ZNF407: variants seen among roughly 807,000 people sequenced by gnomAD.
ZNF407 encodes the protein zinc finger protein 407.
In ZNF407, 17 loss-of-function variants were observed where a neutral mutation model predicts 131.2. That is an observed-to-expected ratio of 0.13 (90% CI 0.09 to 0.19). ZNF407 has a LOEUF of 0.19. Ranked by LOEUF, ZNF407 falls within the 10% of genes least tolerant of loss-of-function variation. ZNF407 has a pLI of 1.00. For synonymous variants in ZNF407, 1,156 were observed against 1,062.0 expected (o/e 1.09, Z -1.72); for missense variants, 2,681 against 2,830.6 (o/e 0.95, Z 1.20).
At chr18:74,801,399 T>G (rs1039483653) in intron 4 of ZNF407, among the ~76,000 whole-genome samples, 2 of 152,218 alleles carry the variant, frequency 1.3e-5, no homozygotes, top group Non-Finnish European at 2.9e-5. Flanking sequence ...TTATATATAC[T>G]TCGAGTATCA....
At chr18:74,881,004 C>T (rs147244007) in intron 5 of ZNF407, 32 bp from the exon 6 acceptor site, 512 of 1,565,190 alleles carry the variant, frequency 3.3e-4, no homozygotes, top group African/African-American at 1.3e-3. Flanking sequence ...CTGTGACCTC[C>T]GCAGTCCCTC....
chr18:75,024,296 G>C (rs1018873296), intron 8 of ZNF407, among the ~76,000 whole-genome samples: 2 of 152,122 alleles, frequency 1.3e-5, no homozygotes, highest in Admixed American at 6.5e-5. Context: ...CTTACTCGCA[G>C]ATACTGTTCC....
chr18:74,912,352 G>T (rs180795704), intron 7 of ZNF407, among the ~76,000 whole-genome samples: 281 of 152,172 alleles, frequency 1.8e-3, no homozygotes, highest in Non-Finnish European at 2.5e-3. Context: ...TTCTGGGTGG[G>T]CAGTTGTGAT....
intron 1 of ZNF407, among the ~76,000 whole-genome samples, chr18:74,600,351 G>A (rs1982526404): frequency 6.6e-6 from 1 of 152,184 alleles, no homozygotes; most frequent in African/African-American, 2.4e-5. Flanking sequence ...TTTGTTGCTG[G>A]TGACATTGCC....
At chr18:74,819,952 A>G (rs1239143084) in intron 4 of ZNF407, among the ~76,000 whole-genome samples, 2 of 152,162 alleles carry the variant, frequency 1.3e-5, no homozygotes, top group African/African-American at 4.8e-5. Context: ...GGCCTGTAGC[A>G]GGGCTCCATA....
chr18:74,823,100 C>A (rs1411618070), intron 4 of ZNF407, among the ~76,000 whole-genome samples: 1 of 151,958 alleles, frequency 6.6e-6, no homozygotes, highest in Non-Finnish European at 1.5e-5. Context: ...ATTTCATATC[C>A]AGCCAAACTA....
At chr18:74,818,599 C>T (rs1385698055) in intron 4 of ZNF407, among the ~76,000 whole-genome samples, 2 of 152,174 alleles carry the variant, frequency 1.3e-5, no homozygotes, top group Non-Finnish European at 2.9e-5. Flanking sequence ...GCTCCTTTTA[C>T]ACACAGATGT....
chr18:74,886,813 CAG>C (rs1451877470), intron 6 of ZNF407, among the ~76,000 whole-genome samples: 4 of 152,088 alleles, frequency 2.6e-5, no homozygotes, highest in Non-Finnish European at 5.9e-5. Context: ...TTGATGGTGG[CAG>C]AGTTTCATCA....
intron 3 of ZNF407, among the ~76,000 whole-genome samples, chr18:74,706,287 T>G (rs1568175529): frequency 2.0e-5 from 3 of 152,212 alleles, no homozygotes; most frequent in Admixed American, 6.5e-5. Flanking sequence ...CTTTCACTTT[T>G]GTTTTGGAAA....
chr18:74,847,207 C>T (rs1271497474), intron 4 of ZNF407, among the ~76,000 whole-genome samples: 5 of 151,996 alleles, frequency 3.3e-5, no homozygotes, highest in African/African-American at 1.2e-4. Context: ...CAGTGTTTCC[C>T]CCTACAATCC....
chr18:75,011,625 A>C (rs1461724545), intron 8 of ZNF407, among the ~76,000 whole-genome samples: 2 of 152,150 alleles, frequency 1.3e-5, no homozygotes, highest in Non-Finnish European at 2.9e-5. Flanking sequence ...AACACTTGTC[A>C]GTATTTAATA....
chr18:75,036,252 G>A (rs1231793424), intron 8 of ZNF407, among the ~76,000 whole-genome samples: 2 of 151,966 alleles, frequency 1.3e-5, no homozygotes, highest in Admixed American at 1.3e-4. Context: ...GAGCAAAATA[G>A]TATAATTCTT....
intron 4 of ZNF407, among the ~76,000 whole-genome samples, chr18:74,845,019 C>T (rs994676187): frequency 2.6e-5 from 4 of 152,138 alleles, no homozygotes; most frequent in African/African-American, 9.7e-5. Flanking sequence ...CGGAGTAAAG[C>T]GTGTGGCTCA....
intron 3 of ZNF407, among the ~76,000 whole-genome samples, chr18:74,744,989 G>C (rs962679288): frequency 1.3e-5 from 2 of 151,980 alleles, no homozygotes; most frequent in Non-Finnish European, 2.9e-5. Context: ...ATCGAGTAGG[G>C]AATAATGATA....
intron 8 of ZNF407, among the ~76,000 whole-genome samples, chr18:74,972,888 A>G (rs1048691491): frequency 6.6e-6 from 1 of 152,180 alleles, no homozygotes; most frequent in Non-Finnish European, 1.5e-5. Context: ...CATATTTTTA[A>G]ATCCTCTTTA....
chr18:74,671,385 G>A lies in ZNF407; in HGVS notation c.4802+30263G>A, dbSNP rs576236725. Among the ~76,000 whole-genome samples, 28 of 151,444 alleles carry A rather than the reference G, an allele frequency of 1.8e-4. No homozygotes were observed. The South Asian group carries it at 3.0e-3, about 16-fold the overall frequency. On this transcript the variant is annotated intron_variant, in intron 3 of 8. Coordinates refer to ENST00000299687, the MANE Select transcript of ZNF407 (RefSeq NM_017757.3). ...TTTATATTTTTAACTTTTAGGTTAC[G>A]GGGTACATGTGAAGGTGTGTTATAT... is the stretch of plus-strand genomic sequence containing the variant.
intron 8 of ZNF407, among the ~76,000 whole-genome samples, chr18:75,001,309 T>A (rs188422332): frequency 2.9e-3 from 438 of 152,344 alleles, no homozygotes; most frequent in Non-Finnish European, 5.2e-3. Flanking sequence ...GATATCTTTT[T>A]ATGAAATGTT....
At chr18:74,693,396 C>G (rs537925626) in intron 3 of ZNF407, among the ~76,000 whole-genome samples, 1 of 152,236 alleles carries the variant, frequency 6.6e-6, no homozygotes, top group African/African-American at 2.4e-5. Context: ...TTGTAATTCT[C>G]TTTCTTGGAT....
At chr18:74,698,756 A>G (rs552667632) in intron 3 of ZNF407, among the ~76,000 whole-genome samples, 1 of 152,296 alleles carries the variant, frequency 6.6e-6, no homozygotes, top group African/African-American at 2.4e-5. Context: ...TCCTGGAAAC[A>G]TGCCCAAAGT....
Sources: gnomAD v4.1 joint callset for allele counts (sites outside exome capture counted in the v4.1 genomes callset) on GRCh38, gnomAD v4.1.1 for gene constraint, MANE v1.5 for transcripts, NCBI Gene and HGNC (gene_info 2026-07-23, HGNC 2026-07-21) for gene names.